Variants in PRSS35 observed in about 807,000 individuals in gnomAD.
PRSS35 encodes inactive serine protease 35.
PRSS35 carries 7 observed loss-of-function variants against 8.1 expected under a neutral mutation model. The observed-to-expected ratio is 0.86, with a 90% CI of 0.49 to 1.62. The LOEUF (loss-of-function observed/expected upper bound fraction) is 1.62, where lower values mean the gene tolerates loss of function less well. PRSS35 is among the 40% of genes most tolerant of loss of function. The pLI, the probability that PRSS35 is intolerant of heterozygous loss-of-function variation, is 0.00. For synonymous variants in PRSS35, 199 were observed against 188.7 expected (o/e 1.05, Z -0.45); for missense variants, 566 against 518.0 (o/e 1.09, Z -0.90).
intron 1 of PRSS35, among the ~76,000 whole-genome samples, chr6:83,516,459 C>G (rs1771717939): frequency 6.6e-6 from 1 of 151,476 alleles, no homozygotes; most frequent in East Asian, 2.0e-4. Flanking sequence ...GCCTGTAGTC[C>G]CAGCTACTGG....
Position 83,524,567 on chromosome 6 carries a change from G to C in PRSS35, c.1126G>C (p.Val376Leu). Residue 376 changes from valine to leucine, a missense_variant, in exon 2 of 2, where the codon GTG becomes CTG. Transcript: ENST00000369700. ...TGCGGTCTACTCAGGGCACCAGTGG[G>C]TGGATGTCCACGGGGTTCAGAAGGA... is the stretch of plus-strand genomic sequence containing the variant. ...IIAVYSGHQWVDVHGVQKDYN... is the reference protein window; with the variant it reads ...IIAVYSGHQWLDVHGVQKDYN... 5 of 1,614,150 alleles carry C rather than the reference G, an allele frequency of 3.1e-6. No individual in the cohort carries two copies. In the South Asian group the frequency reaches 5.5e-5, roughly 18 times the overall value.
Position 83,524,872 on chromosome 6 carries a change from G to T in PRSS35, c.*189G>T. On this transcript the variant is annotated 3_prime_UTR_variant, in exon 2 of 2. Transcript: ENST00000369700. ...AGGTGCAGATATTGAAACTAGGTGGGCACTTCAATGCCAAGTATATACTCT... is the reference window on the plus strand; with the variant it reads ...AGGTGCAGATATTGAAACTAGGTGGTCACTTCAATGCCAAGTATATACTCT... 1 of 606,052 alleles carries T rather than the reference G, an allele frequency of 1.7e-6. No individual in the cohort carries two copies. The highest frequency in any genetic ancestry group is 2.9e-5 in the East Asian group (1 of 34,424). The allele number at this position is 606,052 out of a possible 1,614,324, so 37.5% of individuals were successfully genotyped here.
chr6:83,521,263 T>C (rs184006598), intron 1 of PRSS35, among the ~76,000 whole-genome samples: 3 of 152,070 alleles, frequency 2.0e-5, no homozygotes, highest in Non-Finnish European at 2.9e-5. Context: ...TCCTGGGAAC[T>C]ACAATTTCAA....
chr6:83,520,948 A>G (rs1413068179), intron 1 of PRSS35, among the ~76,000 whole-genome samples: 1 of 152,178 alleles, frequency 6.6e-6, no homozygotes. Flanking sequence ...AGATATACCA[A>G]ATGAGATACT....
In PRSS35 at chr6:83,524,798, T is replaced by G; in HGVS notation, c.*115T>G. 9.1e-7 allele frequency: 1 copy of G among 1,097,044 alleles called. No individual in the cohort carries two copies. The highest frequency in any genetic ancestry group is 1.9e-5 in the South Asian group (1 of 53,262). The allele number at this position is 1,097,044 out of a possible 1,614,324, so 68.0% of individuals were successfully genotyped here. A position where few individuals can be genotyped will look rare whatever the true frequency, so the allele number is the denominator to read the frequency against. The stretch of plus-strand genomic sequence containing the variant: ...TGGACTTGAACTCTGTCAATAGCAT[T>G]TCAACATTTTTCAAAATCAGGAGAT... On this transcript the variant is annotated 3_prime_UTR_variant, in exon 2 of 2. Transcript: ENST00000369700.
At chr6:83,516,835 T>G (rs1187555389) in intron 1 of PRSS35, among the ~76,000 whole-genome samples, 3 of 152,150 alleles carry the variant, frequency 2.0e-5, no homozygotes, top group Non-Finnish European at 4.4e-5. Context: ...TGCCTCCTTC[T>G]TATATGAGCC....
At chr6:83,515,517 A>AC (rs770711483) in intron 1 of PRSS35, among the ~76,000 whole-genome samples, 73 of 130,680 alleles carry the variant, frequency 5.6e-4, no homozygotes, top group Admixed American at 3.2e-3. Context: ...TTGCTTTGAG[A>AC]CAGGGTTGCC....
At position 83,525,577 on chromosome 6, in the gene PRSS35, A is replaced by G. The variant is rs1332175117; in HGVS notation, c.*894A>G. ...ACAAAGAATTCTGTAATCTTTTTCA[A>G]GAAAGAGTCTTTTTCTCCTTGACAA... On this transcript the variant is annotated 3_prime_UTR_variant, in exon 2 of 2. Transcript: ENST00000369700. 6.0e-6 allele frequency: 1 copy of G among 167,122 alleles called. No homozygotes were observed. Among genetic ancestry groups the G allele is most frequent in the Non-Finnish European group, 1.5e-5 (1 of 68,130 alleles). The allele number at this position is 167,122 out of a possible 1,614,324, so 10.4% of individuals were successfully genotyped here. A position where few individuals can be genotyped will look rare whatever the true frequency, so the allele number is the denominator to read the frequency against.
chr6:83,525,527 A>G lies in PRSS35; in HGVS notation c.*844A>G, dbSNP rs1771924049. ...CACATTATTTTATGCTATACATTCTATGTATGAGGTGCTACATTTTTAGGA... is the reference window on the plus strand; with the variant it reads ...CACATTATTTTATGCTATACATTCTGTGTATGAGGTGCTACATTTTTAGGA... On this transcript the variant is annotated 3_prime_UTR_variant, in exon 2 of 2. Coordinates refer to ENST00000369700, the MANE Select transcript of PRSS35 (RefSeq NM_153362.3). 1.2e-5 allele frequency: 2 copies of G among 167,080 alleles called. No homozygotes were observed. The highest frequency in any genetic ancestry group is 1.3e-4 in the Admixed American group (2 of 15,284). The allele number at this position is 167,080 out of a possible 1,614,324, so 10.3% of individuals were successfully genotyped here.
chr6:83,518,928 A>G (rs1449089439), intron 1 of PRSS35, among the ~76,000 whole-genome samples: 1 of 151,896 alleles, frequency 6.6e-6, no homozygotes, highest in African/African-American at 2.4e-5. Context: ...AAACTTGGAG[A>G]GTTAATGAAC....
In PRSS35 at chr6:83,516,847, C is replaced by T. The variant is rs560613294; in HGVS notation, c.-21+4153C>T. Among the ~76,000 whole-genome samples, 6 of 152,212 alleles carry T rather than the reference C, an allele frequency of 3.9e-5. No individual in the cohort carries two copies. The East Asian group carries it at 1.2e-3, about 29-fold the overall frequency. On this transcript the variant is annotated intron_variant, in intron 1 of 1. Transcript: ENST00000369700. Reference sequence around the variant, plus strand: ...GTCTGCCTCCTTCTTATATGAGCCCCTATGATTGCATTGGACCCACCTGGA... The same window carrying T: ...GTCTGCCTCCTTCTTATATGAGCCCTTATGATTGCATTGGACCCACCTGGA...
At position 83,523,424 on chromosome 6, in the gene PRSS35, C is replaced by G. The variant is rs1025650042; in HGVS notation, c.-18C>G. The G allele has an allele frequency of 6.3e-7, 1 of 1,590,558 alleles. No individual in the cohort carries two copies. Among genetic ancestry groups the G allele is most frequent in the South Asian group, 1.1e-5 (1 of 87,172 alleles). ...CTCTCTCTTTTTCTATTTTTAAGGA[C>G]AAAATTAGAAGATCAAAATGGAAAA... On this transcript the variant is annotated splice_region_variant and 5_prime_UTR_variant, in exon 2 of 2. Transcript: ENST00000369700.
rs748866087 is a variant in PRSS35, at chr6:83,524,247, G to T, written c.806G>T (p.Gly269Val). The change falls in exon 2 of 2, where the codon GGG becomes GTG. Residue 269 changes from glycine (G) to valine (V), a missense_variant. By Grantham distance (109) the Gly-to-Val change is moderately radical. Transcript: ENST00000369700. ...IPKGWARGGM[G>V]DATLDYDYAL... is the part of the protein sequence containing the mutation. ...AAGGGCTGGGCACGAGGAGGCATGGGGGACGCTACCTTGGACTATGACTAT... is the reference window on the plus strand; with the variant it reads ...AAGGGCTGGGCACGAGGAGGCATGGTGGACGCTACCTTGGACTATGACTAT... 1 of 1,614,150 alleles carries T rather than the reference G, an allele frequency of 6.2e-7. No homozygotes were observed.
Position 83,523,634 on chromosome 6 carries a change from G to C in PRSS35, c.193G>C (p.Glu65Gln). ...KMMVNTVCGIECQKELPTPSL... is the reference protein window; with the variant it reads ...KMMVNTVCGIQCQKELPTPSL... The stretch of plus-strand genomic sequence containing the variant: ...GATGGTAAATACAGTGTGTGGCATC[G>C]AATGCCAGAAAGAACTCCCAACTCC... Residue 65 changes from glutamate (E) to glutamine (Q), a missense_variant, in exon 2 of 2, where the codon GAA becomes CAA. Glu to Gln is a conservative substitution (Grantham distance 29). Transcript: ENST00000369700. 6.2e-7 allele frequency: 1 copy of C among 1,614,126 alleles called. No individual in the cohort carries two copies. The highest frequency in any genetic ancestry group is 1.1e-5 in the South Asian group (1 of 91,076).
intron 1 of PRSS35, among the ~76,000 whole-genome samples, chr6:83,520,756 T>A (rs1007801841): frequency 1.3e-5 from 2 of 152,210 alleles, no homozygotes; most frequent in African/African-American, 4.8e-5. Context: ...GAAATAAAAT[T>A]ATACTTAAAT....
intron 1 of PRSS35, among the ~76,000 whole-genome samples, chr6:83,519,862 G>A (rs572577275): frequency 6.6e-6 from 1 of 152,244 alleles, no homozygotes; most frequent in South Asian, 2.1e-4. Flanking sequence ...TGAATGATCT[G>A]TAGTATGAGA....
At chr6:83,520,933 C>G (rs763680945) in intron 1 of PRSS35, among the ~76,000 whole-genome samples, 3 of 152,078 alleles carry the variant, frequency 2.0e-5, no homozygotes, top group Non-Finnish European at 4.4e-5. Flanking sequence ...TAGTACCAAG[C>G]ATTAAGATAT....
At chr6:83,517,400 T>C (rs986682123) in intron 1 of PRSS35, among the ~76,000 whole-genome samples, 10 of 152,318 alleles carry the variant, frequency 6.6e-5, no homozygotes, top group Middle Eastern at 6.8e-3. Context: ...AGGGAGCGCC[T>C]CAGTGGATCA....
Position 83,524,731 on chromosome 6 carries a change from C to T in PRSS35, c.*48C>T, listed in dbSNP as rs1241599908. On this transcript the variant is annotated 3_prime_UTR_variant, in exon 2 of 2. Coordinates refer to ENST00000369700, the MANE Select transcript of PRSS35 (RefSeq NM_153362.3). ...GTATCATCTAAATCACAGAGAAAAC[C>T]AGCTCTGCTTACCGTAGTGAGATCA... The T allele has an allele frequency of 1.2e-5, 19 of 1,531,502 alleles. No individual in the cohort carries two copies. Among genetic ancestry groups the T allele is most frequent in the Non-Finnish European group, 1.6e-5 (18 of 1,136,548 alleles). 94.9% of individuals were successfully genotyped at this position (1,531,502 alleles called of 1,614,324 possible). A position where few individuals can be genotyped will look rare whatever the true frequency, so the allele number is the denominator to read the frequency against.
Sources: gnomAD v4.1 joint callset for allele counts (sites outside exome capture counted in the v4.1 genomes callset) on GRCh38, gnomAD v4.1.1 for gene constraint, MANE v1.5 for transcripts, NCBI Gene and HGNC (gene_info 2026-07-23, HGNC 2026-07-21) for gene names.